FIG4: variants seen among roughly 807,000 people sequenced by gnomAD.
FIG4 encodes polyphosphoinositide phosphatase.
Under a neutral mutation model 118.6 loss-of-function variants are expected in FIG4, and 112 were observed. The ratio of observed to expected loss-of-function variants is 0.94; its 90% CI spans 0.81 to 1.11. The LOEUF (loss-of-function observed/expected upper bound fraction) is 1.11, where lower values mean the gene tolerates loss of function less well. Ranked by LOEUF, FIG4 falls within the 50% of genes least tolerant of loss-of-function variation. The pLI, the probability that FIG4 is intolerant of heterozygous loss-of-function variation, is 0.00. For synonymous variants in FIG4, 369 were observed against 381.2 expected, an observed-to-expected ratio of 0.97 and a Z score of 0.37; for missense variants, 969 against 1,111.7, an observed-to-expected ratio of 0.87 and a Z score of 1.83.
At position 109,741,024 on chromosome 6, in the gene FIG4, C is replaced by T. The variant is rs539307124; in HGVS notation, c.776-420C>T. Among the ~76,000 whole-genome samples the T allele has an allele frequency of 5.9e-5, 9 of 152,192 alleles. No homozygotes were observed. The South Asian group carries it at 1.2e-3, about 21-fold the overall frequency. ...TCACAAAAACAGCAAGGGGGACGTC[C>T]GCCTCCATGATGCAATCACCTCCCA... On this transcript the variant is annotated intron_variant, in intron 7 of 22. Transcript: ENST00000230124.
chr6:109,797,070 G>T (rs1778309250), intron 22 of FIG4, among the ~76,000 whole-genome samples: 1 of 152,126 alleles, frequency 6.6e-6, no homozygotes, highest in African/African-American at 2.4e-5. Flanking sequence ...TTTGGAGGTG[G>T]GTTTGGCATT....
chr6:109,723,439 C>CT (rs1775670598), intron 3 of FIG4, among the ~76,000 whole-genome samples: 1 of 152,168 alleles, frequency 6.6e-6, no homozygotes, highest in Admixed American at 6.5e-5. Context: ...AAATATAACT[C>CT]TATTTATAAC....
At chr6:109,803,855 G>C (rs543319349) in intron 22 of FIG4, among the ~76,000 whole-genome samples, 166 of 145,548 alleles carry the variant, frequency 1.1e-3, no homozygotes, top group African/African-American at 4.2e-3. Context: ...ACCTATGAGT[G>C]AGAACATGCT....
intron 4 of FIG4, among the ~76,000 whole-genome samples, chr6:109,732,178 T>C (rs111500360): frequency 2.3e-4 from 35 of 152,360 alleles, no homozygotes; most frequent in African/African-American, 8.2e-4. Context: ...TGAACACTTA[T>C]TAATCATGAG....
chr6:109,796,052 C>T (rs1345201518), intron 21 of FIG4, among the ~76,000 whole-genome samples: 4 of 152,248 alleles, frequency 2.6e-5, no homozygotes, highest in Non-Finnish European at 4.4e-5. Flanking sequence ...GGTATCCTCT[C>T]TGCCTGCTGA....
chr6:109,763,068 A>G (rs1777160402), intron 12 of FIG4, among the ~76,000 whole-genome samples: 1 of 152,266 alleles, frequency 6.6e-6, no homozygotes, highest in African/African-American at 2.4e-5. Flanking sequence ...AAATGTTGCC[A>G]GCCAAGGAAG....
At chr6:109,735,009 C>T (rs1011027622) in intron 5 of FIG4, 141 bp from the exon 6 acceptor site, 1 of 734,154 alleles carries the variant, frequency 1.4e-6, no homozygotes, top group Admixed American at 2.2e-5. Flanking sequence ...TTTTACAGTG[C>T]TTATTTGAAT....
At chr6:109,820,908 G>C (rs77195905) in intron 22 of FIG4, among the ~76,000 whole-genome samples, 1 of 152,094 alleles carries the variant, frequency 6.6e-6, no homozygotes, top group Non-Finnish European at 1.5e-5. Context: ...GTGTGCAAGA[G>C]GAAGAAGCAG....
intron 3 of FIG4, among the ~76,000 whole-genome samples, chr6:109,717,427 C>T (rs1485040995): frequency 2.0e-5 from 3 of 152,198 alleles, no homozygotes; most frequent in African/African-American, 7.2e-5. Context: ...CATTGTCCCT[C>T]CTTGTGGTGA....
intron 16 of FIG4, among the ~76,000 whole-genome samples, chr6:109,778,470 CAA>C (rs111576515): frequency 4.9e-5 from 7 of 143,026 alleles, no homozygotes; most frequent in Non-Finnish European, 7.6e-5. Context: ...ACCTCTGTCT[CAA>C]AAAAAAAAAA....
At chr6:109,821,299 T>C (rs138838597) in intron 22 of FIG4, among the ~76,000 whole-genome samples, 15 of 152,328 alleles carry the variant, frequency 9.8e-5, no homozygotes, top group African/African-American at 3.1e-4. Context: ...AAGAGAGTTC[T>C]GTGAAGTTAA....
intron 10 of FIG4, among the ~76,000 whole-genome samples, chr6:109,759,786 T>C (rs1777044091): frequency 6.6e-6 from 1 of 152,172 alleles, no homozygotes; most frequent in African/African-American, 2.4e-5. Context: ...TATTTGCAAG[T>C]CTAATTTATG....
At chr6:109,767,603 G>A (rs956102170) in intron 15 of FIG4, among the ~76,000 whole-genome samples, 1 of 152,194 alleles carries the variant, frequency 6.6e-6, no homozygotes, top group Non-Finnish European at 1.5e-5. Context: ...GGGCGTGGTG[G>A]CTCATGCCTG....
At chr6:109,706,291 CT>C (rs976804382) in intron 1 of FIG4, among the ~76,000 whole-genome samples, 1 of 152,164 alleles carries the variant, frequency 6.6e-6, no homozygotes, top group African/African-American at 2.4e-5. Flanking sequence ...GTTCACTGGC[CT>C]TGTCTTGGCT....
At chr6:109,744,139 T>A (rs1192310824) in intron 10 of FIG4, among the ~76,000 whole-genome samples, 3 of 152,080 alleles carry the variant, frequency 2.0e-5, no homozygotes, top group Admixed American at 6.6e-5. Context: ...CAGCCTCACC[T>A]TTACAGTCAT....
intron 7 of FIG4, among the ~76,000 whole-genome samples, chr6:109,738,938 A>G (rs953112402): frequency 2.0e-5 from 3 of 152,152 alleles, no homozygotes; most frequent in African/African-American, 7.2e-5. Flanking sequence ...GAGGTAGGAT[A>G]TAGTGGGAAG....
chr6:109,704,922 G>T (rs1305053002), intron 1 of FIG4, among the ~76,000 whole-genome samples: 2 of 152,058 alleles, frequency 1.3e-5, no homozygotes, highest in Non-Finnish European at 2.9e-5. Flanking sequence ...ATGATATTAT[G>T]ATTATGTGTT....
intron 12 of FIG4, among the ~76,000 whole-genome samples, chr6:109,762,917 A>G (rs1444486145): frequency 1.3e-5 from 2 of 152,192 alleles, no homozygotes. Context: ...GTGAAAGGAT[A>G]TAAAGTGACA....
At chr6:109,812,660 G>A (rs941093076) in intron 22 of FIG4, among the ~76,000 whole-genome samples, 6 of 152,176 alleles carry the variant, frequency 3.9e-5, no homozygotes, top group Admixed American at 6.5e-5. Context: ...CCTGATGAGA[G>A]TGTTTCTGTG....
Sources: allele counts gnomAD v4.1 joint callset (sites outside exome capture counted in the v4.1 genomes callset), GRCh38; gene constraint gnomAD v4.1.1; transcripts MANE v1.5; gene names NCBI Gene and HGNC (gene_info 2026-07-23, HGNC 2026-07-21).